Variants in TPH1 observed in about 807,000 individuals in gnomAD.
TPH1 encodes tryptophan hydroxylase 1.
In TPH1, 37 loss-of-function variants were observed where a neutral mutation model predicts 49.5. That is an observed-to-expected ratio of 0.75 (90% CI 0.58 to 0.98). TPH1 has a LOEUF of 0.98. Among genes scored for constraint, TPH1 ranks in the 50% least tolerant of loss-of-function variants. The pLI is 0.00. For missense variants in TPH1, 487 were observed against 523.6 expected (o/e 0.93, Z 0.68); for synonymous variants, 160 against 182.1 (o/e 0.88, Z 0.98).
chr11:18,038,311 G>T (rs1430282991), intron 2 of TPH1, among the ~76,000 whole-genome samples: 2 of 152,174 alleles, frequency 1.3e-5, no homozygotes, highest in African/African-American at 4.8e-5. Flanking sequence ...CACTAGGCAG[G>T]TGGAGACACA....
rs1854334078 is a variant in TPH1, at chr11:18,019,467, T to C, written c.*1524A>G. Reference sequence around the variant, plus strand: ...TGAGATGCTTGGCAGGGCTGTCATATTGAACAACCCCTATTCATTCTATGT... The same window carrying C: ...TGAGATGCTTGGCAGGGCTGTCATACTGAACAACCCCTATTCATTCTATGT... On this transcript the variant is annotated 3_prime_UTR_variant, in exon 11 of 11. Transcript: ENST00000682019. 1 of 340,880 alleles carries C rather than the reference T, an allele frequency of 2.9e-6. No homozygotes were observed. The highest frequency in any genetic ancestry group is 5.7e-6 in the Non-Finnish European group (1 of 174,952). The allele number at this position is 340,880 out of a possible 1,614,324, so 21.1% of individuals were successfully genotyped here.
At chr11:18,022,149 T>G (rs1458619194) in intron 10 of TPH1, among the ~76,000 whole-genome samples, 1 of 152,244 alleles carries the variant, frequency 6.6e-6, no homozygotes, top group Non-Finnish European at 1.5e-5. Context: ...GTCTTTTCTT[T>G]TCCTACTACT....
In TPH1 at chr11:18,019,962, A is replaced by C. The variant is rs1268120200; in HGVS notation, c.*1029T>G. 3.0e-6 allele frequency: 1 copy of C among 336,438 alleles called. No individual in the cohort carries two copies. The highest frequency in any genetic ancestry group is 4.1e-5 in the Admixed American group (1 of 24,502). 20.8% of individuals were successfully genotyped at this position (336,438 alleles called of 1,614,324 possible). On this transcript the variant is annotated 3_prime_UTR_variant, in exon 11 of 11. Coordinates refer to ENST00000682019, the MANE Select transcript of TPH1 (RefSeq NM_004179.3). ...CCCCTTTTCTGCAGCCTCTACTCTCATTGCATACCTTTCTGTTTATGGCCT... is the reference window on the plus strand; with the variant it reads ...CCCCTTTTCTGCAGCCTCTACTCTCCTTGCATACCTTTCTGTTTATGGCCT...
rs1555024849 is a variant in TPH1 at position 18,019,772 on chromosome 11, T to C, written c.*1219A>G. 2.2e-6 allele frequency: 1 copy of C among 456,758 alleles called. No individual in the cohort carries two copies. The highest frequency in any genetic ancestry group is 6.9e-5 in the East Asian group (1 of 14,404). 28.3% of individuals were successfully genotyped at this position (456,758 alleles called of 1,614,324 possible). On this transcript the variant is annotated 3_prime_UTR_variant, in exon 11 of 11. Coordinates refer to ENST00000682019, the MANE Select transcript of TPH1 (RefSeq NM_004179.3). Reference sequence around the variant, plus strand: ...AGGAAAGGGGCAAATTAAAGAGACATAAGTTTGTATTTTGGAGTTCAGCTT... The same window carrying C: ...AGGAAAGGGGCAAATTAAAGAGACACAAGTTTGTATTTTGGAGTTCAGCTT...
At chr11:18,025,318 A>T (rs1565235258) in intron 8 of TPH1, among the ~76,000 whole-genome samples, 1 of 152,112 alleles carries the variant, frequency 6.6e-6, no homozygotes, top group African/African-American at 2.4e-5. Flanking sequence ...ATGAGCAAAA[A>T]CAAATTTTCT....
At chr11:18,025,841 T>G in intron 7 of TPH1, 140 bp from the exon 8 acceptor site, 3 of 1,317,676 alleles carry the variant, frequency 2.3e-6, no homozygotes. Context: ...AGGACACTAA[T>G]CAAATAAAGA....
chr11:18,043,361 T>C (rs1590269548), intron 1 of TPH1, among the ~76,000 whole-genome samples: 2 of 152,176 alleles, frequency 1.3e-5, no homozygotes, highest in Non-Finnish European at 2.9e-5. Context: ...TCCCAGCACA[T>C]TGGAAAGCCA....
intron 1 of TPH1, among the ~76,000 whole-genome samples, chr11:18,045,587 T>C (rs1378219870): frequency 6.6e-6 from 1 of 152,064 alleles, no homozygotes; most frequent in Admixed American, 6.5e-5. Context: ...GAGAAGTTCA[T>C]TTTAAACCTC....
chr11:18,025,582 A>G lies in TPH1; in HGVS notation c.923T>C (p.Leu308Pro). Reference protein sequence around the residue: ...LGASEEAVQKLATCYFFTVEF... With the variant: ...LGASEEAVQKPATCYFFTVEF... The stretch of plus-strand genomic sequence containing the variant: ...CTAATTCCAGATTTATACCGTTGCC[A>G]GTTTTTGAACAGCCTCCTCTGAAGC... Residue 308 changes from leucine (L) to proline (P), a missense_variant, in exon 8 of 11, where the codon CTG (leucine) becomes CCG (proline). By Grantham distance (98) the Leu-to-Pro change is moderately conservative (BLOSUM62 -3). Coordinates refer to ENST00000682019, the MANE Select transcript of TPH1 (RefSeq NM_004179.3). The G allele has an allele frequency of 6.2e-7, 1 of 1,613,898 alleles. No individual in the cohort carries two copies. The highest frequency in any genetic ancestry group is 1.1e-5 in the South Asian group (1 of 91,088).
intron 9 of TPH1, 113 bp downstream of exon 9, chr11:18,023,775 G>T: frequency 1.3e-6 from 1 of 742,052 alleles, no homozygotes; most frequent in Non-Finnish European, 2.4e-6. Flanking sequence ...AATGATTAGT[G>T]ACATCCCCAA....
At chr11:18,044,390 C>A (rs1478165745) in intron 1 of TPH1, among the ~76,000 whole-genome samples, 1 of 152,074 alleles carries the variant, frequency 6.6e-6, no homozygotes, top group African/African-American at 2.4e-5. Flanking sequence ...CCACTGCACT[C>A]CAGCCCAGGT....
At chr11:18,037,134 G>C (rs1848054741) in intron 2 of TPH1, among the ~76,000 whole-genome samples, 1 of 152,140 alleles carries the variant, frequency 6.6e-6, no homozygotes, top group Non-Finnish European at 1.5e-5. Context: ...CAAGGTGGAA[G>C]AATCACTTGA....
chr11:18,019,787 G>A lies in TPH1; in HGVS notation c.*1204C>T, dbSNP rs1400443783. The A allele has an allele frequency of 4.4e-6, 2 of 455,584 alleles. No individual in the cohort carries two copies. Among genetic ancestry groups the A allele is most frequent in the Non-Finnish European group, 8.8e-6 (2 of 226,542 alleles). 28.2% of individuals were successfully genotyped at this position (455,584 alleles called of 1,614,324 possible). A position where few individuals can be genotyped will look rare whatever the true frequency, so the allele number is the denominator to read the frequency against. ...TAAAGAGACATAAGTTTGTATTTTG[G>A]AGTTCAGCTTCACCCATTTATAACA... On this transcript the variant is annotated 3_prime_UTR_variant, in exon 11 of 11. Transcript: ENST00000682019.
chr11:18,029,703 C>A, intron 4 of TPH1, 124 bp from the exon 5 acceptor site: 1 of 760,744 alleles, frequency 1.3e-6, no homozygotes. Flanking sequence ...ATACTATGAG[C>A]AAGCATTATT....
In TPH1 at chr11:18,045,709, C is replaced by A. The variant is rs188745858; in HGVS notation, c.-27+532G>T. Among the ~76,000 whole-genome samples the A allele has an allele frequency of 7.6e-4, 115 of 152,220 alleles. 1 individual carries two copies. Among genetic ancestry groups the A allele is most frequent in the Admixed American group, 6.5e-3 (100 of 15,296 alleles). ...TGCGACCTTGCAAAAAGCTCTCAGT[C>A]GTCTGTTGGGATGGTGGTGATGATG... On this transcript the variant is annotated intron_variant, in intron 1 of 10. Transcript: ENST00000682019.
chr11:18,030,634 T>G lies in TPH1; in HGVS notation c.403-1055A>C, dbSNP rs141797299. Among the ~76,000 whole-genome samples the G allele has an allele frequency of 1.1e-4, 16 of 152,238 alleles. No homozygotes were observed. In the East Asian group the frequency reaches 3.1e-3, roughly 29 times the overall value. On this transcript the variant is annotated intron_variant, in intron 4 of 10. Coordinates refer to ENST00000682019, the MANE Select transcript of TPH1 (RefSeq NM_004179.3). ...AAAGGAGTTTACATGAACCTGTTAT[T>G]GTAAAATGATACAATAAATGTCTCA...
At chr11:18,029,396 A>C (rs748624882) in intron 5 of TPH1, 35 bp from the exon 6 acceptor site, 2 of 1,594,700 alleles carry the variant, frequency 1.3e-6, no homozygotes, top group South Asian at 1.1e-5. Flanking sequence ...GTTTTGAATT[A>C]GCATTTAATA....
Position 18,029,226 on chromosome 11 carries a change from T to G in TPH1, c.606A>C (p.Lys202Asn). The G allele has an allele frequency of 6.2e-7, 1 of 1,614,086 alleles. No individual in the cohort carries two copies. The highest frequency in any genetic ancestry group is 8.5e-7 in the Non-Finnish European group (1 of 1,179,958). ...TATTATCCTCCCGATATCCACAATA[T>G]TTAGAAAGCAAAGGTAAGTTTTTGA... is the stretch of plus-strand genomic sequence containing the variant. Reference protein sequence around the residue: ...EYLKNLPLLSKYCGYREDNIP... With the variant: ...EYLKNLPLLSNYCGYREDNIP... The change falls in exon 6 of 11, where the codon AAA becomes AAC. Residue 202 changes from lysine (K) to asparagine (N), a missense_variant. Lys to Asn is a moderately conservative substitution (Grantham distance 94). Transcript: ENST00000682019.
At position 18,020,981 on chromosome 11, in the gene TPH1, C is replaced by T; in HGVS notation, c.*10G>A. On this transcript the variant is annotated 3_prime_UTR_variant, in exon 11 of 11. Transcript: ENST00000682019. ...TTGATGCTCAAATGTTCCTGGATGA[C>T]TGGCTACTGTTAGATACTCGGCTTC... is the stretch of plus-strand genomic sequence containing the variant. 1 of 1,613,760 alleles carries T rather than the reference C, an allele frequency of 6.2e-7. No individual in the cohort carries two copies. Among genetic ancestry groups the T allele is most frequent in the East Asian group, 2.2e-5 (1 of 44,878 alleles).
Sources: allele counts gnomAD v4.1 joint callset (sites outside exome capture counted in the v4.1 genomes callset), GRCh38; gene constraint gnomAD v4.1.1; transcripts MANE v1.5; gene names NCBI Gene and HGNC (gene_info 2026-07-23, HGNC 2026-07-21).